ERBB4: variants seen among roughly 807,000 people sequenced by gnomAD.
The protein encoded by ERBB4 is erb-b2 receptor tyrosine kinase 4, also known as receptor tyrosine-protein kinase erbB-4.
Under a neutral mutation model 158.0 loss-of-function variants are expected in ERBB4, and 42 were observed. The ratio of observed to expected loss-of-function variants is 0.27; its 90% confidence interval spans 0.21 to 0.34. ERBB4 has a LOEUF of 0.34. ERBB4 is among the 10% of genes least tolerant of loss of function. The pLI, the probability that ERBB4 is intolerant of heterozygous loss-of-function variation, is 1.00. For synonymous variants in ERBB4, 583 were observed against 558.7 expected (o/e 1.04, Z -0.61); for missense variants, 1,333 against 1,624.1 (o/e 0.82, Z 3.08).
intron 19 of ERBB4, among the ~76,000 whole-genome samples, chr2:211,615,507 T>G (rs2069352428): frequency 1.3e-5 from 2 of 152,056 alleles, no homozygotes; most frequent in Admixed American, 6.6e-5. Context: ...GAATGAAGAA[T>G]GTACTGGTCA....
chr2:211,594,085 A>G (rs1329845837), intron 19 of ERBB4, among the ~76,000 whole-genome samples: 1 of 152,016 alleles, frequency 6.6e-6, no homozygotes, highest in Non-Finnish European at 1.5e-5. Context: ...ACTAAATTCC[A>G]TCGAGGCATA....
chr2:211,424,756 T>C (rs2063588498), intron 22 of ERBB4, among the ~76,000 whole-genome samples: 1 of 152,080 alleles, frequency 6.6e-6, no homozygotes, highest in Non-Finnish European at 1.5e-5. Flanking sequence ...GCTTCCAGAA[T>C]AATTACCTTA....
At chr2:212,111,877 C>T in intron 2 of ERBB4, among the ~76,000 whole-genome samples, 1 of 108,326 alleles carries the variant, frequency 9.2e-6, no homozygotes, top group South Asian at 3.0e-4. Context: ...CACTATACAA[C>T]CTTTTTTTTT....
At chr2:212,161,813 T>C (rs946121897) in intron 1 of ERBB4, among the ~76,000 whole-genome samples, 10 of 151,808 alleles carry the variant, frequency 6.6e-5, no homozygotes, top group Admixed American at 6.6e-4. Context: ...TGGTAAGAAG[T>C]GTAACGTGGT....
chr2:211,468,933 A>AT (rs1333502929), intron 20 of ERBB4, among the ~76,000 whole-genome samples: 1 of 150,150 alleles, frequency 6.7e-6, no homozygotes, highest in Non-Finnish European at 1.5e-5. Flanking sequence ...AAAAAAAAAA[A>AT]CCCTTAAAGG....
chr2:212,242,083 A>T (rs1356593487), intron 1 of ERBB4, among the ~76,000 whole-genome samples: 1 of 151,904 alleles, frequency 6.6e-6, no homozygotes, highest in Non-Finnish European at 1.5e-5. Context: ...TTGGTTTTAC[A>T]TTTCCAAGTT....
chr2:211,770,180 G>A (rs1308597018), intron 4 of ERBB4, among the ~76,000 whole-genome samples: 2 of 152,162 alleles, frequency 1.3e-5, no homozygotes, highest in African/African-American at 4.8e-5. Context: ...AAGATCACCA[G>A]ATGTCTCTTA....
intron 19 of ERBB4, among the ~76,000 whole-genome samples, chr2:211,570,145 T>G (rs1295143928): frequency 6.6e-6 from 1 of 151,984 alleles, no homozygotes; most frequent in Admixed American, 6.6e-5. Context: ...TTTTTGTGTT[T>G]TTTATGTTTT....
intron 7 of ERBB4, among the ~76,000 whole-genome samples, chr2:211,714,233 A>ATGTC (rs2073821898): frequency 6.6e-6 from 1 of 152,234 alleles, no homozygotes; most frequent in African/African-American, 2.4e-5. Flanking sequence ...CTTGGATTAA[A>ATGTC]TGTCTAGCAG....
chr2:211,510,911 A>G (rs570733501), intron 20 of ERBB4, among the ~76,000 whole-genome samples: 115 of 152,038 alleles, frequency 7.6e-4, no homozygotes, highest in Non-Finnish European at 1.1e-3. Context: ...ATCTTGAAAC[A>G]ATATTCAACA....
chr2:212,052,285 G>A (rs1360678704), intron 2 of ERBB4, among the ~76,000 whole-genome samples: 1 of 152,114 alleles, frequency 6.6e-6, no homozygotes, highest in African/African-American at 2.4e-5. Context: ...GGTTTGCCAG[G>A]GGGGTCTTGG....
At chr2:212,216,951 C>T (rs1428615679) in intron 1 of ERBB4, among the ~76,000 whole-genome samples, 3 of 151,264 alleles carry the variant, frequency 2.0e-5, no homozygotes, top group African/African-American at 7.3e-5. Flanking sequence ...ACAAATTTCC[C>T]CACTTCATTT....
rs2070069649 is a variant in ERBB4, at chr2:211,630,537, A to T, written c.2004T>A (p.Gly668=). The T allele has an allele frequency of 1.2e-6, 2 of 1,613,732 alleles. No individual in the cohort carries two copies. Among genetic ancestry groups the T allele is most frequent in the Admixed American group, 1.7e-5 (1 of 59,986 alleles). The change falls in exon 17 of 28, where the codon GGT becomes GGA. Residue 668 remains glycine (G), a synonymous_variant. Coordinates refer to ENST00000342788, the MANE Select transcript of ERBB4 (RefSeq NM_005235.3). ...TTCTAACATAAACAGCAAATGTCAG[A>T]CCCACAATGACCAGAATGAAGAGCC... The part of the protein sequence containing the change: ...IGGLFILVIV[G]LTFAVYVRRK...
intron 16 of ERBB4, among the ~76,000 whole-genome samples, chr2:211,633,563 T>C (rs2070231471): frequency 7.4e-6 from 1 of 134,350 alleles, no homozygotes; most frequent in African/African-American, 2.7e-5. Context: ...AAACAGGAAA[T>C]ACAATTTCCA....
chr2:211,485,520 T>C (rs13021324), intron 20 of ERBB4, among the ~76,000 whole-genome samples: 34,880 of 151,972 alleles, frequency 0.23, 4,347 homozygotes, highest in African/African-American at 0.33. Flanking sequence ...CAAGACCAAA[T>C]CAAATTCTCA....
chr2:212,240,661 A>AC (rs1559823245), intron 1 of ERBB4, among the ~76,000 whole-genome samples: 4 of 148,046 alleles, frequency 2.7e-5, no homozygotes, highest in African/African-American at 9.9e-5. Context: ...AAAAAAAAAA[A>AC]AAAAAACAGA....
rs1392187409 is a variant in ERBB4, at chr2:212,068,811, G to A, written c.234+55941C>T. Among the ~76,000 whole-genome samples, 22 of 152,010 alleles carry A rather than the reference G, an allele frequency of 1.4e-4. 1 individual carries two copies. The highest frequency in any genetic ancestry group is 1.9e-4 in the East Asian group (1 of 5,198). The stretch of plus-strand genomic sequence containing the variant: ...TAGAATCACAAATAAAGCCAACTGA[G>A]GTATTTAAGCTAAATTTGTTGTAAT... On this transcript the variant is annotated intron_variant, in intron 2 of 27. Transcript: ENST00000342788.
chr2:212,209,444 G>T (rs893148810), intron 1 of ERBB4, among the ~76,000 whole-genome samples: 1 of 152,048 alleles, frequency 6.6e-6, no homozygotes, highest in African/African-American at 2.4e-5. Flanking sequence ...TGAAAATCCT[G>T]ATCTTATGAT....
intron 3 of ERBB4, among the ~76,000 whole-genome samples, chr2:211,901,778 C>G (rs1410464605): frequency 2.0e-5 from 3 of 152,006 alleles, no homozygotes. Context: ...TATTAAAACT[C>G]CAGTTAAAAA....
Sources: allele counts gnomAD v4.1 joint callset (sites outside exome capture counted in the v4.1 genomes callset), GRCh38; gene constraint gnomAD v4.1.1; transcripts MANE v1.5; gene names NCBI Gene and HGNC (gene_info 2026-07-23, HGNC 2026-07-21).